The following MYT1L variants were observed in gnomAD, a reference collection of about 807,000 sequenced individuals.
MYT1L encodes the protein myelin transcription factor 1-like protein.
A neutral mutation model predicts 126.7 loss-of-function variants in MYT1L; 12 were observed. That is an observed-to-expected ratio of 0.09 (90% confidence interval 0.06 to 0.15). MYT1L has a LOEUF of 0.15. Among genes scored for constraint, MYT1L ranks in the 10% least tolerant of loss-of-function variants. The probability of loss-of-function intolerance (pLI) is 1.00; values close to 1 mark genes in which losing one functional copy is unlikely to be tolerated. For missense variants in MYT1L, 979 were observed against 1,585.2 expected (o/e 0.62, Z 6.49); for synonymous variants, 541 against 604.2 (o/e 0.90, Z 1.53).
intron 18 of MYT1L, chr2:1,886,266 T>G: frequency 3.0e-6 from 1 of 336,330 alleles, no homozygotes; most frequent in Admixed American, 4.8e-5. Flanking sequence ...TGCATGCATA[T>G]CTGAAGAGAA....
chr2:2,299,137 C>A (rs1443965711), intron 1 of MYT1L, among the ~76,000 whole-genome samples: 1 of 152,220 alleles, frequency 6.6e-6, no homozygotes, highest in East Asian at 1.9e-4. Flanking sequence ...CAGGCGTGAG[C>A]CACCGAGCCC....
intron 5 of MYT1L, among the ~76,000 whole-genome samples, chr2:1,989,561 CCTT>C (rs1395333987): frequency 6.6e-6 from 1 of 152,152 alleles, no homozygotes; most frequent in Admixed American, 6.5e-5. Context: ...GTTGGACACA[CCTT>C]CTTGACAATA....
At chr2:1,999,337 G>A (rs1305880189) in intron 4 of MYT1L, among the ~76,000 whole-genome samples, 1 of 152,176 alleles carries the variant, frequency 6.6e-6, no homozygotes, top group African/African-American at 2.4e-5. Flanking sequence ...ACCCTTGACT[G>A]AGGGCTGAGT....
chr2:2,239,100 G>A (rs536445046), intron 2 of MYT1L, among the ~76,000 whole-genome samples: 4 of 152,322 alleles, frequency 2.6e-5, no homozygotes, highest in African/African-American at 7.2e-5. Context: ...ACTTGATAAT[G>A]CATATACAAA....
intron 2 of MYT1L, among the ~76,000 whole-genome samples, chr2:2,216,712 C>A (rs2093686802): frequency 6.6e-6 from 1 of 151,910 alleles, no homozygotes; most frequent in African/African-American, 2.4e-5. Flanking sequence ...AGAGAAAAAT[C>A]AACAAAGTCA....
chr2:2,024,566 T>C (rs1456118997), intron 4 of MYT1L, among the ~76,000 whole-genome samples: 1 of 152,240 alleles, frequency 6.6e-6, no homozygotes, highest in Non-Finnish European at 1.5e-5. Context: ...CTTCATTCAC[T>C]GTAGGAATTT....
rs1287597156 is a variant in MYT1L at position 1,801,886 on chromosome 2, T to C, written c.3173-87A>G. 3.9e-6 allele frequency: 3 copies of C among 762,108 alleles called. No individual in the cohort carries two copies. Among genetic ancestry groups the C allele is most frequent in the African/African-American group, 3.6e-5 (2 of 54,874 alleles). The allele number at this position is 762,108 out of a possible 1,614,324, so 47.2% of individuals were successfully genotyped here. ...TTGGGAGCTTTCTTTGTTCCTTTTA[T>C]ATTCGTAATTGAATTTGCTTGGAAA... On this transcript the variant is annotated intron_variant, in intron 22 of 24. Transcript: ENST00000647738. The surrounding 1 kb of genome is among the most constrained non-coding windows in gnomAD (Gnocchi z 4.2).
chr2:2,232,560 A>G (rs1253046348), intron 2 of MYT1L, among the ~76,000 whole-genome samples: 1 of 152,212 alleles, frequency 6.6e-6, no homozygotes. Flanking sequence ...AACTATGGAC[A>G]ATATGTGAAT....
At position 1,801,469 on chromosome 2, in the gene MYT1L, C is replaced by T. The variant is rs535717893; in HGVS notation, c.3276+227G>A. ...CACAAATGCACTTTATTAAAAAACACAAACACACATGCAGACTGAAAACGA... is the reference window on the plus strand; with the variant it reads ...CACAAATGCACTTTATTAAAAAACATAAACACACATGCAGACTGAAAACGA... On this transcript the variant is annotated intron_variant, in intron 23 of 24. Transcript: ENST00000647738. The surrounding 1 kb of genome is among the most constrained non-coding windows in gnomAD (Gnocchi z 4.2). The T allele has an allele frequency of 2.3e-5, 10 of 433,114 alleles. No homozygotes were observed. In the South Asian group the frequency reaches 3.9e-4, roughly 17 times the overall value. The allele number at this position is 433,114 out of a possible 1,614,324, so 26.8% of individuals were successfully genotyped here. A position where few individuals can be genotyped will look rare whatever the true frequency, so the allele number is the denominator to read the frequency against.
At chr2:1,991,813 G>A (rs1031134939) in intron 5 of MYT1L, among the ~76,000 whole-genome samples, 1 of 152,036 alleles carries the variant, frequency 6.6e-6, no homozygotes, top group African/African-American at 2.4e-5. Context: ...CCACAGTCTT[G>A]TCAATTCCTC....
chr2:2,045,293 C>T (rs2068042644), intron 4 of MYT1L, among the ~76,000 whole-genome samples: 1 of 152,222 alleles, frequency 6.6e-6, no homozygotes, highest in South Asian at 2.1e-4. Context: ...CTGGGGCAGG[C>T]TTCTTGCAGG....
chr2:2,087,029 CCT>C (rs1337898327), intron 3 of MYT1L, among the ~76,000 whole-genome samples: 2 of 152,150 alleles, frequency 1.3e-5, no homozygotes, highest in Non-Finnish European at 2.9e-5. Flanking sequence ...GCTCCAATGC[CCT>C]CTGAGTTGAA....
chr2:2,252,968 T>C (rs1446433259), intron 2 of MYT1L, among the ~76,000 whole-genome samples: 3 of 152,056 alleles, frequency 2.0e-5, no homozygotes, highest in Non-Finnish European at 1.5e-5. Context: ...GAAGTAAAAT[T>C]TTTTTTAAAA....
intron 22 of MYT1L, among the ~76,000 whole-genome samples, chr2:1,802,362 C>A (rs1042540974): frequency 6.6e-6 from 1 of 152,150 alleles, no homozygotes; most frequent in Non-Finnish European, 1.5e-5. Flanking sequence ...CCTTACCCAC[C>A]GACAGGAAGC....
chr2:2,268,429 T>C (rs1222672291), intron 2 of MYT1L, among the ~76,000 whole-genome samples: 1 of 152,122 alleles, frequency 6.6e-6, no homozygotes, highest in Non-Finnish European at 1.5e-5. Context: ...GCAAAATATT[T>C]TATTTTAAGG....
chr2:2,131,139 C>T (rs2082305998), intron 3 of MYT1L, among the ~76,000 whole-genome samples: 1 of 152,124 alleles, frequency 6.6e-6, no homozygotes, highest in Non-Finnish European at 1.5e-5. Context: ...TCTCCTTTCC[C>T]TAAGTATAAA....
intron 3 of MYT1L, among the ~76,000 whole-genome samples, chr2:2,068,473 G>A (rs750551471): frequency 1.5e-4 from 23 of 152,034 alleles, no homozygotes; most frequent in Non-Finnish European, 2.9e-4. Flanking sequence ...AAGAATTCAC[G>A]GGAAGAGAGT....
At chr2:2,133,332 G>C (rs553232125) in intron 3 of MYT1L, among the ~76,000 whole-genome samples, 1 of 152,060 alleles carries the variant, frequency 6.6e-6, no homozygotes, top group Non-Finnish European at 1.5e-5. Context: ...ACGGAACAAG[G>C]CACATCACAA....
At chr2:1,835,034 GCTCCTCCAC>G (rs2040691626) in intron 21 of MYT1L, among the ~76,000 whole-genome samples, 1 of 61,744 alleles carries the variant, frequency 1.6e-5, no homozygotes, top group African/African-American at 1.1e-4. Context: ...GGATACAGGT[GCTCCTCCAC>G]ATACCACGGG....
Sources: allele counts gnomAD v4.1 joint callset (sites outside exome capture counted in the v4.1 genomes callset), GRCh38; gene constraint gnomAD v4.1.1; non-coding constraint Gnocchi (gnomAD v3.1); transcripts MANE v1.5; gene names NCBI Gene and HGNC (gene_info 2026-07-23, HGNC 2026-07-21).